The following AKAP13 variants were observed in gnomAD, a reference collection of about 807,000 sequenced individuals.
AKAP13 encodes A-kinase anchor protein 13.
AKAP13 carries 80 observed loss-of-function variants against 264.5 expected under a neutral mutation model. That is an observed-to-expected ratio of 0.30 (90% CI 0.25 to 0.36). AKAP13 has a LOEUF of 0.36. Among genes scored for constraint, AKAP13 ranks in the 10% least tolerant of loss-of-function variants. The pLI is 1.00. For missense variants in AKAP13, 3,712 were observed against 3,435.2 expected (o/e 1.08, Z -2.01); for synonymous variants, 1,380 against 1,250.2 (o/e 1.10, Z -2.19).
rs148150985 is a variant in AKAP13, at chr15:85,514,793, G to C, written c.34-6635G>C. On this transcript the variant is annotated intron_variant, in intron 2 of 36. Transcript: ENST00000394518. ...CAATTGTATGTTTAAAGGAGAGAAC[G>C]AAGATAGTTATGTGAATACAAGCAG... Among the ~76,000 whole-genome samples, 156 of 136,384 alleles carry C rather than the reference G, an allele frequency of 1.1e-3. 30 individuals are homozygous for C. The highest frequency in any genetic ancestry group is 4.5e-3 in the African/African-American group (154 of 33,904). The allele number at this position is 136,384 out of a possible 152,430, so 89.5% of individuals were successfully genotyped here. A position where few individuals can be genotyped will look rare whatever the true frequency, so the allele number is the denominator to read the frequency against.
At chr15:85,518,011 G>A (rs2151143028) in intron 2 of AKAP13, among the ~76,000 whole-genome samples, 1 of 152,308 alleles carries the variant, frequency 6.6e-6, no homozygotes, top group Middle Eastern at 3.4e-3. Flanking sequence ...AGAATGTCTT[G>A]AATATTGCCC....
intron 14 of AKAP13, among the ~76,000 whole-genome samples, chr15:85,672,672 A>G (rs1316524391): frequency 6.6e-6 from 1 of 152,246 alleles, no homozygotes; most frequent in Non-Finnish European, 1.5e-5. Flanking sequence ...TAGTAGCTGT[A>G]TTACTTTGAG....
chr15:85,721,494 G>A (rs2087280457), intron 23 of AKAP13, among the ~76,000 whole-genome samples: 1 of 152,174 alleles, frequency 6.6e-6, no homozygotes, highest in Admixed American at 6.5e-5. Flanking sequence ...GCACACATTT[G>A]GGAATGATTT....
At chr15:85,538,155 G>A (rs2077463909) in intron 4 of AKAP13, among the ~76,000 whole-genome samples, 1 of 152,106 alleles carries the variant, frequency 6.6e-6, no homozygotes, top group Admixed American at 6.5e-5. Flanking sequence ...TGCAGTAGCC[G>A]TCAGCATAAC....
chr15:85,643,653 G>A (rs2082412529), intron 9 of AKAP13, among the ~76,000 whole-genome samples: 2 of 152,010 alleles, frequency 1.3e-5, no homozygotes, highest in South Asian at 4.2e-4. Context: ...AACCCTTCTG[G>A]TAAAGTGATA....
chr15:85,693,989 A>T (rs2085432433), intron 17 of AKAP13, among the ~76,000 whole-genome samples: 1 of 152,214 alleles, frequency 6.6e-6, no homozygotes, highest in Admixed American at 6.5e-5. Context: ...GTTTATGTGG[A>T]TGTAGCCTCA....
Position 85,727,401 on chromosome 15 carries a change from G to C in AKAP13, c.7025G>C (p.Gly2342Ala). ...ATTAGGAACAGAGATGAAGATGAAG[G>C]AATTCCTAGTGAGAATGAGGAAGAA... ...INTLNRDEDE[G>A]IPSENEEEKK... is the part of the protein sequence containing the mutation. The change falls in exon 29 of 37, where the codon GGA (glycine) becomes GCA (alanine). Residue 2342 changes from glycine to alanine, a missense_variant. Coordinates refer to ENST00000394518, the MANE Select transcript of AKAP13 (RefSeq NM_007200.5). This position sits in a 1 kb window ranked among gnomAD's most constrained non-coding sequence, Gnocchi z 5.3. The C allele has an allele frequency of 1.2e-6, 2 of 1,614,172 alleles. No homozygotes were observed. The highest frequency in any genetic ancestry group is 1.7e-6 in the Non-Finnish European group (2 of 1,180,026).
Position 85,726,459 on chromosome 15 carries a change from A to C in AKAP13, c.6795A>C (p.Lys2265Asn). Residue 2265 changes from lysine (K) to asparagine (N), a missense_variant, in exon 27 of 37, where the codon AAA becomes AAC. By Grantham distance (94) the Lys-to-Asn change is moderately conservative. Around this residue, in one of 3 missense-constraint regions of AKAP13, gnomAD observed 342 missense variants for 484.3 expected, o/e 0.71. Transcript: ENST00000394518. ...ACATTTTAGTTTTCCTTCAAGAAAA[A>C]GACCAGAAGTACATCTTTGCATCAT... is the stretch of plus-strand genomic sequence containing the variant. Reference protein sequence around the residue: ...LTDILVFLQEKDQKYIFASLD... With the variant: ...LTDILVFLQENDQKYIFASLD... 1 of 1,613,640 alleles carries C rather than the reference A, an allele frequency of 6.2e-7. No individual in the cohort carries two copies. The highest frequency in any genetic ancestry group is 8.5e-7 in the Non-Finnish European group (1 of 1,179,630).
At chr15:85,595,899 A>G (rs1459684880) in intron 8 of AKAP13, among the ~76,000 whole-genome samples, 1 of 152,240 alleles carries the variant, frequency 6.6e-6, no homozygotes, top group African/African-American at 2.4e-5. Flanking sequence ...ATTCAGTAGT[A>G]TATGAACCAT....
At chr15:85,466,527 C>T (rs963476021) in intron 1 of AKAP13, among the ~76,000 whole-genome samples, 14 of 152,152 alleles carry the variant, frequency 9.2e-5, no homozygotes, top group East Asian at 3.9e-4. Context: ...AATTAATTTT[C>T]GTATAAGGTG....
intron 1 of AKAP13, chr15:85,480,810 C>G (rs1269838796): frequency 6.6e-6 from 1 of 152,222 alleles, no homozygotes; most frequent in Non-Finnish European, 1.5e-5. Context: ...GCCTCAGCCT[C>G]CCCAGAAACT....
intron 1 of AKAP13, among the ~76,000 whole-genome samples, chr15:85,383,733 A>G (rs1294039628): frequency 7.2e-5 from 11 of 152,200 alleles, no homozygotes; most frequent in Admixed American, 7.2e-4. Context: ...CTTTGTGACT[A>G]TGCTATTTGG....
chr15:85,588,959 C>T (rs1167071587), intron 8 of AKAP13, among the ~76,000 whole-genome samples: 1 of 152,184 alleles, frequency 6.6e-6, no homozygotes, highest in South Asian at 2.1e-4. Flanking sequence ...TTTGCTTCCA[C>T]CGTGTAGAGT....
chr15:85,472,354 A>C (rs2074991952), intron 1 of AKAP13, among the ~76,000 whole-genome samples: 3 of 151,998 alleles, frequency 2.0e-5, no homozygotes, highest in Admixed American at 2.0e-4. Context: ...AAAAAAAAAA[A>C]AACAAAGACA....
intron 2 of AKAP13, among the ~76,000 whole-genome samples, chr15:85,516,231 G>A (rs1186978135): frequency 6.6e-6 from 1 of 152,168 alleles, no homozygotes; most frequent in Admixed American, 6.5e-5. Context: ...CCAGGCACTT[G>A]ATATAGGTGC....
At chr15:85,676,430 G>A (rs567687100) in intron 14 of AKAP13, among the ~76,000 whole-genome samples, 4 of 152,196 alleles carry the variant, frequency 2.6e-5, no homozygotes, top group Non-Finnish European at 5.9e-5. Flanking sequence ...GAACACAGGA[G>A]GAGGAACAGG....
intron 14 of AKAP13, among the ~76,000 whole-genome samples, chr15:85,678,421 T>C (rs938022645): frequency 1.3e-5 from 2 of 152,202 alleles, no homozygotes; most frequent in Non-Finnish European, 2.9e-5. Flanking sequence ...GGTGGCCTTA[T>C]TAAGGATTTG....
At chr15:85,533,016 T>C (rs939735100) in intron 3 of AKAP13, among the ~76,000 whole-genome samples, 2 of 152,250 alleles carry the variant, frequency 1.3e-5, no homozygotes, top group African/African-American at 4.8e-5. Flanking sequence ...TTACTTATTT[T>C]TTAGGCCTTG....
At chr15:85,403,060 A>T (rs1291592048) in intron 1 of AKAP13, among the ~76,000 whole-genome samples, 1 of 152,180 alleles carries the variant, frequency 6.6e-6, no homozygotes, top group Non-Finnish European at 1.5e-5. Flanking sequence ...AAATGATTTG[A>T]TTATATTGTA....
Sources: gnomAD v4.1 joint callset for allele counts (sites outside exome capture counted in the v4.1 genomes callset) on GRCh38, gnomAD v4.1.1 for gene constraint, gnomAD v4.1.1 regional missense constraint, Gnocchi (gnomAD v3.1) non-coding constraint, MANE v1.5 for transcripts, NCBI Gene and HGNC (gene_info 2026-07-23, HGNC 2026-07-21) for gene names.